Variants in KLHL4 observed in about 807,000 individuals in gnomAD.
The protein encoded by KLHL4 is kelch like family member 4.
KLHL4 carries 17 observed loss-of-function variants against 45.8 expected under a neutral mutation model. That is an observed-to-expected ratio of 0.37 (90% CI 0.25 to 0.56). KLHL4 has a LOEUF of 0.56. KLHL4 is among the 20% of genes least tolerant of loss of function. KLHL4 has a pLI of 0.79. For missense variants in KLHL4, 544 were observed against 544.9 expected, an observed-to-expected ratio of 1.00 and a Z score of 0.02; for synonymous variants, 224 against 189.9, an observed-to-expected ratio of 1.18 and a Z score of -1.47.
chrX:87,589,906 C>A (rs2147799648), intron 1 of KLHL4, among the ~76,000 whole-genome samples: 1 of 108,976 alleles, frequency 9.2e-6, no homozygotes, highest in African/African-American at 3.3e-5. Flanking sequence ...GGCATGGTGG[C>A]ACATGCCTGT....
intron 1 of KLHL4, among the ~76,000 whole-genome samples, chrX:87,572,794 TA>T (rs59585746): frequency 5.4e-3 from 423 of 77,806 alleles, no homozygotes; most frequent in African/African-American, 0.01. Context: ...TAAAGTATAA[TA>T]AAAAAAAAAA....
At chrX:87,627,272 G>A (rs1470677666) in intron 6 of KLHL4, among the ~76,000 whole-genome samples, 1 of 110,578 alleles carries the variant, frequency 9.0e-6, no homozygotes, top group African/African-American at 3.3e-5. Context: ...GTGGAGGAAA[G>A]AAAACATTCC....
At chrX:87,666,252 C>A (rs1383012308) in intron 10 of KLHL4, among the ~76,000 whole-genome samples, 1 of 111,255 alleles carries the variant, frequency 9.0e-6, no homozygotes, top group Non-Finnish European at 1.9e-5. Flanking sequence ...ATGAAATTTA[C>A]TTAAGATCAC....
intron 1 of KLHL4, among the ~76,000 whole-genome samples, chrX:87,549,638 A>G (rs1931768361): frequency 9.0e-6 from 1 of 111,606 alleles, no homozygotes; most frequent in South Asian, 3.6e-4. Flanking sequence ...TTATACAAGC[A>G]CATGGAAATT....
At chrX:87,605,516 T>C (rs1922163607) in intron 1 of KLHL4, among the ~76,000 whole-genome samples, 2 of 111,224 alleles carry the variant, frequency 1.8e-5, no homozygotes, top group African/African-American at 3.3e-5. Context: ...AATTGTTTTC[T>C]TGATTTATTT....
intron 9 of KLHL4, among the ~76,000 whole-genome samples, chrX:87,658,282 G>A (rs1361562755): frequency 9.0e-6 from 1 of 111,307 alleles, no homozygotes; most frequent in Non-Finnish European, 1.9e-5. Flanking sequence ...CTGGCCATGG[G>A]GACTCCTCTC....
intron 6 of KLHL4, among the ~76,000 whole-genome samples, chrX:87,628,218 G>A (rs1417557394): frequency 9.0e-6 from 1 of 111,572 alleles, no homozygotes; most frequent in Non-Finnish European, 1.9e-5. Flanking sequence ...CACATCTTAA[G>A]TTTAGATAGC....
chrX:87,659,407 C>G (rs1332901219), intron 9 of KLHL4, among the ~76,000 whole-genome samples: 6 of 110,663 alleles, frequency 5.4e-5, no homozygotes, highest in Non-Finnish European at 7.6e-5. Context: ...CATGAGCCAA[C>G]ATGCCCGGCC....
chrX:87,666,573 T>G lies in KLHL4; in HGVS notation c.*39T>G. On this transcript the variant is annotated 3_prime_UTR_variant, in exon 11 of 11. Coordinates refer to ENST00000373119, the MANE Select transcript of KLHL4 (RefSeq NM_019117.5). ...TATCAAATGGAATGAAACTAGATAATTTCAAGAAACTGAGTAGGACAAAGG... is the reference window on the plus strand; with the variant it reads ...TATCAAATGGAATGAAACTAGATAAGTTCAAGAAACTGAGTAGGACAAAGG... The G allele has an allele frequency of 8.7e-7, 1 of 1,147,084 alleles. No individual in the cohort carries two copies. Among genetic ancestry groups the G allele is most frequent in the Non-Finnish European group, 1.2e-6 (1 of 862,232 alleles). The allele number at this position is 1,147,084 out of a possible 1,213,427, so 94.5% of individuals were successfully genotyped here.
rs150340616 is a variant in KLHL4 at position 87,615,650 on chromosome X, A to G, written c.727+1080A>G. 2.9e-3 allele frequency among the ~76,000 whole-genome samples: 327 copies of G among 111,864 alleles called. 1 individual carries two copies. The highest frequency in any genetic ancestry group is 5.0e-3 in the Admixed American group (52 of 10,447). On this transcript the variant is annotated intron_variant, in intron 3 of 10. Transcript: ENST00000373119. Reference sequence around the variant, plus strand: ...CAATGTAATATTAATAGGCAATAAAAAAGGAATGAAGTAGTAATAGATACT... The same window carrying G: ...CAATGTAATATTAATAGGCAATAAAGAAGGAATGAAGTAGTAATAGATACT...
At chrX:87,658,474 C>T (rs1043312783) in intron 9 of KLHL4, among the ~76,000 whole-genome samples, 1 of 111,292 alleles carries the variant, frequency 9.0e-6, no homozygotes, top group African/African-American at 3.3e-5. Context: ...TTCTCAAGGT[C>T]TCCCCACTGC....
At chrX:87,522,721 A>T (rs1317955657) in intron 1 of KLHL4, among the ~76,000 whole-genome samples, 1 of 112,305 alleles carries the variant, frequency 8.9e-6, no homozygotes, top group Non-Finnish European at 1.9e-5. Flanking sequence ...AAATTACATA[A>T]GTTATTCAAT....
chrX:87,662,036 G>T, intron 9 of KLHL4, among the ~76,000 whole-genome samples: 1 of 111,654 alleles, frequency 9.0e-6, no homozygotes, highest in Non-Finnish European at 1.9e-5. Context: ...GAGTGACTAA[G>T]TGAGTATGGT....
chrX:87,557,004 C>T (rs1052434310), intron 1 of KLHL4, among the ~76,000 whole-genome samples: 1 of 111,426 alleles, frequency 9.0e-6, no homozygotes, highest in African/African-American at 3.3e-5. Flanking sequence ...AACAGATGAG[C>T]AGAGAATCCA....
intron 9 of KLHL4, among the ~76,000 whole-genome samples, chrX:87,638,729 A>G (rs181150833): frequency 3.5e-4 from 39 of 111,877 alleles, no homozygotes; most frequent in Non-Finnish European, 6.2e-4. Flanking sequence ...ATACAGAAAA[A>G]TAGAGTCTCC....
At chrX:87,651,888 T>G (rs1923826752) in intron 9 of KLHL4, among the ~76,000 whole-genome samples, 1 of 112,725 alleles carries the variant, frequency 8.9e-6, no homozygotes, top group Non-Finnish European at 1.9e-5. Flanking sequence ...GTGGGGGCTC[T>G]GACCCCACAT....
chrX:87,656,640 C>A (rs1923999318), intron 9 of KLHL4, among the ~76,000 whole-genome samples: 1 of 108,547 alleles, frequency 9.2e-6, no homozygotes. Flanking sequence ...TCTCTTGAAT[C>A]CTGTTGAGCT....
chrX:87,630,623 A>G (rs888848277), intron 6 of KLHL4, among the ~76,000 whole-genome samples: 5 of 112,024 alleles, frequency 4.5e-5, no homozygotes, highest in Non-Finnish European at 7.5e-5. Context: ...AGCAACAACT[A>G]TTATGAATGA....
intron 6 of KLHL4, among the ~76,000 whole-genome samples, chrX:87,628,341 T>TG (rs397748485): frequency 0.017 from 1,832 of 109,153 alleles, 27 homozygotes; most frequent in African/African-American, 0.055. Context: ...CAAAACTCTT[T>TG]GGGGTTTTAG....
Sources: gnomAD v4.1 joint callset for allele counts (sites outside exome capture counted in the v4.1 genomes callset) on GRCh38, gnomAD v4.1.1 for gene constraint, MANE v1.5 for transcripts, NCBI Gene and HGNC (gene_info 2026-07-23, HGNC 2026-07-21) for gene names.